The following ABAT variants were observed in gnomAD, a reference collection of about 807,000 sequenced individuals.
The protein encoded by ABAT is 4-aminobutyrate aminotransferase.
Under a neutral mutation model 64.6 loss-of-function variants are expected in ABAT, and 45 were observed. That is an observed-to-expected ratio of 0.70 (90% CI 0.55 to 0.89). The LOEUF is 0.89. ABAT is among the 40% of genes least tolerant of loss of function. The pLI, the probability that ABAT is intolerant of heterozygous loss-of-function variation, is 0.00. For synonymous variants in ABAT, 297 were observed against 250.5 expected, an observed-to-expected ratio of 1.19 and a Z score of -1.75; for missense variants, 633 against 658.4, an observed-to-expected ratio of 0.96 and a Z score of 0.42.
chr16:8,689,055 G>C (rs951214413), intron 1 of ABAT, among the ~76,000 whole-genome samples: 1 of 151,584 alleles, frequency 6.6e-6, no homozygotes, highest in East Asian at 1.9e-4. Context: ...ACTCCAGCCT[G>C]GGTGATAGAG....
intron 2 of ABAT, among the ~76,000 whole-genome samples, chr16:8,742,282 T>A (rs2464048): frequency 0.99 from 150,979 of 152,322 alleles, 74,833 homozygotes; most frequent in Middle Eastern, 1. Context: ...TCCCCCTGTG[T>A]ACTGCTCCCA....
At chr16:8,721,702 A>G (rs2058376632) in intron 1 of ABAT, among the ~76,000 whole-genome samples, 1 of 152,240 alleles carries the variant, frequency 6.6e-6, no homozygotes, top group African/African-American at 2.4e-5. Flanking sequence ...TTCTTTCTCC[A>G]GAGCAAATTG....
At chr16:8,679,050 G>A (rs1015316377) in intron 1 of ABAT, among the ~76,000 whole-genome samples, 6 of 152,140 alleles carry the variant, frequency 3.9e-5, no homozygotes, top group Non-Finnish European at 7.3e-5. Flanking sequence ...TGGCCACCTT[G>A]TCTCACGTCT....
At chr16:8,745,965 TC>T (rs769397428) in intron 2 of ABAT, 35 bp from the exon 3 acceptor site, 26 of 1,587,246 alleles carry the variant, frequency 1.6e-5, no homozygotes, top group Non-Finnish European at 1.3e-5. Context: ...ATCTCTGCTG[TC>T]ACCAGGGATT....
chr16:8,727,114 T>G (rs1251696336), intron 1 of ABAT, among the ~76,000 whole-genome samples: 1 of 152,182 alleles, frequency 6.6e-6, no homozygotes, highest in Non-Finnish European at 1.5e-5. Flanking sequence ...AGGAGTAGTT[T>G]GTAAATATTT....
At chr16:8,688,283 GTCT>G (rs1380212299) in intron 1 of ABAT, among the ~76,000 whole-genome samples, 5 of 152,220 alleles carry the variant, frequency 3.3e-5, no homozygotes, top group South Asian at 4.2e-4. Context: ...GGTGGGAAAG[GTCT>G]TCTTCTTTTA....
At chr16:8,724,635 C>T (rs933809969) in intron 1 of ABAT, among the ~76,000 whole-genome samples, 1 of 148,714 alleles carries the variant, frequency 6.7e-6, no homozygotes, top group Non-Finnish European at 1.5e-5. Context: ...ACTCGGTAGG[C>T]TGAGATGGGA....
intron 1 of ABAT, among the ~76,000 whole-genome samples, chr16:8,702,360 C>T (rs2057843214): frequency 1.3e-5 from 2 of 151,958 alleles, no homozygotes; most frequent in South Asian, 4.1e-4. Flanking sequence ...TCAAGCAATT[C>T]TCCTGCCTCA....
intron 1 of ABAT, among the ~76,000 whole-genome samples, chr16:8,675,361 C>T (rs2057173525): frequency 6.6e-6 from 1 of 152,042 alleles, no homozygotes; most frequent in Admixed American, 6.6e-5. Flanking sequence ...CCTCTCCTCC[C>T]CAGTAAAGAT....
intron 1 of ABAT, among the ~76,000 whole-genome samples, chr16:8,727,697 T>G (rs2058598498): frequency 6.6e-6 from 1 of 152,214 alleles, no homozygotes; most frequent in Admixed American, 6.5e-5. Context: ...TCCATTTTCT[T>G]TCCGCTCATA....
At chr16:8,717,205 G>A (rs573955232) in intron 1 of ABAT, among the ~76,000 whole-genome samples, 1 of 152,084 alleles carries the variant, frequency 6.6e-6, no homozygotes, top group Non-Finnish European at 1.5e-5. Context: ...CAGGAGAATC[G>A]CTTGAACCTG....
At chr16:8,769,203 A>G (rs1300682088) in intron 11 of ABAT, among the ~76,000 whole-genome samples, 1 of 152,190 alleles carries the variant, frequency 6.6e-6, no homozygotes, top group Non-Finnish European at 1.5e-5. Flanking sequence ...TCTGATACCA[A>G]TTTCTGTATC....
intron 1 of ABAT, among the ~76,000 whole-genome samples, chr16:8,717,882 TG>T (rs1333700220): frequency 6.6e-6 from 1 of 152,062 alleles, no homozygotes; most frequent in Non-Finnish European, 1.5e-5. Flanking sequence ...CTCAATCTCC[TG>T]GGCTCAAGCG....
chr16:8,724,951 C>G (rs1431564255), intron 1 of ABAT, among the ~76,000 whole-genome samples: 1 of 148,492 alleles, frequency 6.7e-6, no homozygotes, highest in African/African-American at 2.5e-5. Flanking sequence ...GAGTCTCACT[C>G]TGTTGCCCAG....
chr16:8,723,839 T>TATATATAG (rs2058454646), intron 1 of ABAT, among the ~76,000 whole-genome samples: 1 of 103,180 alleles, frequency 9.7e-6, no homozygotes, highest in African/African-American at 4.1e-5. Flanking sequence ...TTTTTTTTTT[T>TATATATAG]TTTTTTTTTT....
intron 1 of ABAT, among the ~76,000 whole-genome samples, chr16:8,730,483 C>G (rs939767947): frequency 6.6e-6 from 1 of 152,146 alleles, no homozygotes; most frequent in Non-Finnish European, 1.5e-5. Context: ...AACCTGTACT[C>G]TGAACCCGCC....
intron 2 of ABAT, among the ~76,000 whole-genome samples, chr16:8,742,836 G>A (rs1302204429): frequency 2.7e-5 from 4 of 148,502 alleles, no homozygotes; most frequent in African/African-American, 7.5e-5. Flanking sequence ...ACTGCATTCC[G>A]GCTTGGGCGA....
chr16:8,723,914 C>T (rs964696992), intron 1 of ABAT, among the ~76,000 whole-genome samples: 1 of 139,356 alleles, frequency 7.2e-6, no homozygotes, highest in Non-Finnish European at 1.5e-5. Context: ...GATCTAGGCT[C>T]ACTGCAACCC....
intron 1 of ABAT, among the ~76,000 whole-genome samples, chr16:8,675,437 C>A (rs910694521): frequency 6.6e-6 from 1 of 152,032 alleles, no homozygotes; most frequent in East Asian, 1.9e-4. Flanking sequence ...AAGTCATCCA[C>A]CTCCCTCCAC....
Sources: gnomAD v4.1 joint callset for allele counts (sites outside exome capture counted in the v4.1 genomes callset) on GRCh38, gnomAD v4.1.1 for gene constraint, MANE v1.5 for transcripts, NCBI Gene and HGNC (gene_info 2026-07-23, HGNC 2026-07-21) for gene names.